CASP6: variants seen among roughly 807,000 people sequenced by gnomAD.
The protein encoded by CASP6 is caspase 6, also known as caspase-6.
A neutral mutation model predicts 31.8 loss-of-function variants in CASP6; 20 were observed. The ratio of observed to expected loss-of-function variants is 0.63; its 90% CI spans 0.44 to 0.91. The LOEUF (loss-of-function observed/expected upper bound fraction) is 0.91, where lower values mean the gene tolerates loss of function less well. Among genes scored for constraint, CASP6 ranks in the 40% least tolerant of loss-of-function variants. The pLI is 0.00. For synonymous variants in CASP6, 130 were observed against 127.8 expected (o/e 1.02, Z -0.12); for missense variants, 328 against 361.1 (o/e 0.91, Z 0.74).
At chr4:109,691,212 T>G (rs1373959216) in intron 5 of CASP6, among the ~76,000 whole-genome samples, 1 of 152,216 alleles carries the variant, frequency 6.6e-6, no homozygotes, top group Non-Finnish European at 1.5e-5. Flanking sequence ...TTAGTTAATG[T>G]TTTAAGAAAA....
At chr4:109,676,344 G>T in the CASP6 span, among the ~76,000 whole-genome samples, 1 of 152,154 alleles carries the variant, frequency 6.6e-6, no homozygotes, top group East Asian at 1.9e-4. Context: ...TTTGAGACCA[G>T]TGTGGCCAAC....
Position 109,689,438 on chromosome 4 carries a change from C to T in CASP6, c.774G>A (p.Gln258=), listed in dbSNP as rs750949078. 6.2e-7 allele frequency: 1 copy of T among 1,614,216 alleles called. No individual in the cohort carries two copies. ...GGTCTTTGCAAAAGTCCACTCGGCG[C>T]TGAGAAACTTTCCTGTTCACCAGTG... ...LLTLVNRKVS[Q]RRVDFCKDPS... The change falls in exon 7 of 7, where the codon CAG becomes CAA. Residue 258 remains glutamine (Q), a synonymous_variant. Transcript: ENST00000265164.
upstream of CASP6, among the ~76,000 whole-genome samples, chr4:109,705,312 A>G (rs1440206535): frequency 2.0e-5 from 3 of 152,224 alleles, no homozygotes; most frequent in African/African-American, 7.2e-5. Context: ...GTTGAGCTCT[A>G]GTGCTCAGAA....
At chr4:109,700,710 C>T (rs1730396655) in intron 1 of CASP6, among the ~76,000 whole-genome samples, 3 of 152,184 alleles carry the variant, frequency 2.0e-5, no homozygotes, top group Non-Finnish European at 2.9e-5. Context: ...TCACAAAGTG[C>T]ACCCTGCATC....
chr4:109,695,436 C>T (rs5030570), intron 4 of CASP6, among the ~76,000 whole-genome samples: 3,377 of 152,242 alleles, frequency 0.022, 109 homozygotes, highest in African/African-American at 0.077. Flanking sequence ...CAGCTCCCCA[C>T]GCATTGCTGC....
the CASP6 span, among the ~76,000 whole-genome samples, chr4:109,671,794 T>C: frequency 6.6e-6 from 1 of 152,314 alleles, no homozygotes; most frequent in South Asian, 2.1e-4. Flanking sequence ...GTCTTTAAAT[T>C]TTTTGCTGAA....
Position 109,689,470 on chromosome 4 carries a change from G to C in CASP6, c.742C>G (p.Leu248Val). ...KYGSSLEFTELLTLVNRKVSQ... is the reference protein window; with the variant it reads ...KYGSSLEFTEVLTLVNRKVSQ... ...ACTTTCCTGTTCACCAGTGTGAGGA[G>C]TTCTGTGAACTCTAAGGAGGAGCCA... Residue 248 changes from leucine to valine, a missense_variant, in exon 7 of 7, where the codon CTC becomes GTC. By Grantham distance (32) the Leu-to-Val change is conservative. Coordinates refer to ENST00000265164, the MANE Select transcript of CASP6 (RefSeq NM_001226.4). The C allele has an allele frequency of 4.3e-6, 7 of 1,614,186 alleles. No homozygotes were observed. The highest frequency in any genetic ancestry group is 1.3e-5 in the African/African-American group (1 of 75,024).
At chr4:109,670,724 A>G in the CASP6 span, among the ~76,000 whole-genome samples, 1 of 151,924 alleles carries the variant, frequency 6.6e-6, no homozygotes, top group Non-Finnish European at 1.5e-5. Flanking sequence ...GTCTCCAAAA[A>G]AAAAAAAGAA....
chr4:109,695,358 AC>A (rs1359396163), intron 4 of CASP6, among the ~76,000 whole-genome samples: 3 of 152,190 alleles, frequency 2.0e-5, no homozygotes, highest in Non-Finnish European at 2.9e-5. Flanking sequence ...TTGGCAATAA[AC>A]TAAAAATTTC....
At chr4:109,678,908 C>A in the CASP6 span, among the ~76,000 whole-genome samples, 3 of 141,420 alleles carry the variant, frequency 2.1e-5, no homozygotes, top group Non-Finnish European at 3.0e-5. Context: ...GGGTGGCGGC[C>A]GGGCAGAGGC....
intron 1 of CASP6, among the ~76,000 whole-genome samples, chr4:109,701,008 G>A (rs1256435421): frequency 6.6e-6 from 1 of 152,086 alleles, no homozygotes; most frequent in African/African-American, 2.4e-5. Context: ...GCCTAGGCTG[G>A]AGTGCAGTGG....
upstream of CASP6, among the ~76,000 whole-genome samples, chr4:109,705,035 G>A (rs1014066419): frequency 1.3e-5 from 2 of 152,078 alleles, no homozygotes; most frequent in Non-Finnish European, 2.9e-5. Flanking sequence ...TATATGAAAC[G>A]GCCTTCTATT....
the CASP6 span, chr4:109,681,596 C>T: frequency 9.2e-5 from 28 of 303,670 alleles, no homozygotes; most frequent in East Asian, 2.7e-3. Context: ...TATTAGAAGT[C>T]GTGGGTCACG....
chr4:109,668,541 G>C, the CASP6 span, among the ~76,000 whole-genome samples: 1 of 151,830 alleles, frequency 6.6e-6, no homozygotes, highest in Non-Finnish European at 1.5e-5. Context: ...ATTTAAAGTG[G>C]GTTTCTTATA....
At chr4:109,683,708 A>G (rs1264456755), downstream of CASP6, among the ~76,000 whole-genome samples, 3 of 152,166 alleles carry the variant, frequency 2.0e-5, no homozygotes, top group East Asian at 1.9e-4. Flanking sequence ...CAGTTGTGTA[A>G]TATCTTGATG....
In CASP6 at chr4:109,689,037, G is replaced by A. The variant is rs537482052; in HGVS notation, c.*293C>T. 1.2e-4 allele frequency: 28 copies of A among 243,140 alleles called. No homozygotes were observed. Among genetic ancestry groups the A allele is most frequent in the Admixed American group, 1.1e-3 (22 of 20,428 alleles). 15.1% of individuals were successfully genotyped at this position (243,140 alleles called of 1,614,324 possible). On this transcript the variant is annotated 3_prime_UTR_variant, in exon 7 of 7. Transcript: ENST00000265164. ...GTTGCCCAGGCTGGAGTGCAATGGC[G>A]CAATCTCGGCTCACCGCAGCCTCCA...
chr4:109,694,040 C>T (rs1282458215), intron 5 of CASP6, among the ~76,000 whole-genome samples: 1 of 152,120 alleles, frequency 6.6e-6, no homozygotes, highest in Non-Finnish European at 1.5e-5. Context: ...GTAAAAAATA[C>T]TTTTATCCCT....
Position 109,696,408 on chromosome 4 carries a change from A to G in CASP6, c.307+2T>C, listed in dbSNP as rs373891737. Reference sequence around the variant, plus strand: ...GAACTATATGATAGCAAAACTACCTACCCTCATGAATTTTGAGCAGTAGTT... The same window carrying G: ...GAACTATATGATAGCAAAACTACCTGCCCTCATGAATTTTGAGCAGTAGTT... On this transcript the variant is annotated splice_donor_variant, in intron 4 of 6. Transcript: ENST00000265164. LOFTEE classifies it high-confidence loss of function. The G allele has an allele frequency of 6.2e-7, 1 of 1,606,880 alleles. No individual in the cohort carries two copies. Among genetic ancestry groups the G allele is most frequent in the Non-Finnish European group, 8.5e-7 (1 of 1,174,716 alleles).
chr4:109,684,278 G>A (rs111455616), downstream of CASP6, among the ~76,000 whole-genome samples: 1 of 152,068 alleles, frequency 6.6e-6, no homozygotes, highest in Non-Finnish European at 1.5e-5. Context: ...TAACCAGGAT[G>A]GTCTCGATCT....
Sources: gnomAD v4.1 joint callset for allele counts (sites outside exome capture counted in the v4.1 genomes callset) on GRCh38, gnomAD v4.1.1 for gene constraint, MANE v1.5 for transcripts, NCBI Gene and HGNC (gene_info 2026-07-23, HGNC 2026-07-21) for gene names.